Variants in ATXN2 observed in about 807,000 individuals in gnomAD.
The protein encoded by ATXN2 is ataxin-2.
Under a neutral mutation model 138.6 loss-of-function variants are expected in ATXN2, and 37 were observed. The ratio of observed to expected loss-of-function variants is 0.27; its 90% CI spans 0.21 to 0.35. The LOEUF is 0.35. ATXN2 is among the 10% of genes least tolerant of loss of function. The probability of loss-of-function intolerance (pLI) is 1.00; values close to 1 mark genes in which losing one functional copy is unlikely to be tolerated. For synonymous variants in ATXN2, 549 were observed against 543.7 expected (o/e 1.01, Z -0.13); for missense variants, 1,216 against 1,480.3 (o/e 0.82, Z 2.93).
chr12:111,531,188 G>A (rs1880811562), intron 5 of ATXN2, among the ~76,000 whole-genome samples: 1 of 152,196 alleles, frequency 6.6e-6, no homozygotes, highest in Non-Finnish European at 1.5e-5. Flanking sequence ...GCTGAGGCGG[G>A]TGGATCATGA....
intron 1 of ATXN2, among the ~76,000 whole-genome samples, chr12:111,557,968 A>G (rs957014085): frequency 6.6e-6 from 1 of 152,222 alleles, no homozygotes; most frequent in African/African-American, 2.4e-5. Flanking sequence ...AAGCTATATA[A>G]AAGACTTAAA....
chr12:111,507,851 A>G (rs375180789), intron 14 of ATXN2, among the ~76,000 whole-genome samples: 2 of 152,258 alleles, frequency 1.3e-5, no homozygotes, highest in Admixed American at 6.5e-5. Flanking sequence ...CTGTTGATCT[A>G]TGACCTTACC....
chr12:111,510,744 C>T, intron 11 of ATXN2, 162 bp from the exon 12 acceptor site: 3 of 571,768 alleles, frequency 5.2e-6, no homozygotes, highest in East Asian at 3.2e-5. Flanking sequence ...TAGGAATTTG[C>T]TGGCAATCAA....
chr12:111,588,991 CAAAAAAAAAAAAAAA>C (rs58116265), intron 1 of ATXN2, among the ~76,000 whole-genome samples: 56 of 38,708 alleles, frequency 1.4e-3, no homozygotes, highest in Admixed American at 5.4e-3. Context: ...CGAGATTTCT[CAAAAAAAAAAAAAAA>C]AAAAAAAAAA....
At chr12:111,560,409 C>CG (rs973243509) in intron 1 of ATXN2, among the ~76,000 whole-genome samples, 39 of 152,054 alleles carry the variant, frequency 2.6e-4, no homozygotes, top group African/African-American at 6.7e-4. Flanking sequence ...TTATATCCAA[C>CG]GGGGGGGTCC....
chr12:111,596,018 CA>C (rs2135857380), intron 1 of ATXN2, among the ~76,000 whole-genome samples: 1 of 152,198 alleles, frequency 6.6e-6, no homozygotes, highest in East Asian at 1.9e-4. Flanking sequence ...GCCAACATGG[CA>C]AAATCCCGTC....
At chr12:111,477,749 A>C (rs575874733) in intron 18 of ATXN2, among the ~76,000 whole-genome samples, 2 of 152,202 alleles carry the variant, frequency 1.3e-5, no homozygotes, top group South Asian at 4.1e-4. Flanking sequence ...TAAGAAAAGA[A>C]ACATGACTTT....
At chr12:111,474,381 T>C (rs557068809) in intron 18 of ATXN2, among the ~76,000 whole-genome samples, 5 of 149,436 alleles carry the variant, frequency 3.3e-5, no homozygotes, top group African/African-American at 9.9e-5. Context: ...GATAGAAAGA[T>C]GGTGAGACTC....
chr12:111,470,648 T>G lies in ATXN2; in HGVS notation c.2619A>C (p.Pro873=). The change falls in exon 19 of 25, where the codon CCA becomes CCC. Residue 873 remains proline, a synonymous_variant. Transcript: ENST00000673436. ...SAAGPPIAAT[P]PAYSTQYVAY... is the part of the protein sequence containing the mutation. ...CAACATATTGCGTGGAGTAAGCTGG[T>G]GGGGTGGCTGCAATCGGTGGGCCCG... is the stretch of plus-strand genomic sequence containing the variant. 1 of 1,614,042 alleles carries G rather than the reference T, an allele frequency of 6.2e-7. No homozygotes were observed. Among genetic ancestry groups the G allele is most frequent in the East Asian group, 2.2e-5 (1 of 44,876 alleles).
intron 1 of ATXN2, among the ~76,000 whole-genome samples, chr12:111,564,076 T>A (rs535135906): frequency 6.6e-6 from 1 of 152,120 alleles, no homozygotes; most frequent in South Asian, 2.1e-4. Flanking sequence ...TTGTGAAAAT[T>A]AAAAGAAGGT....
intron 15 of ATXN2, among the ~76,000 whole-genome samples, chr12:111,487,070 C>T (rs529625345): frequency 6.6e-6 from 1 of 151,998 alleles, no homozygotes; most frequent in African/African-American, 2.4e-5. Flanking sequence ...CTCTCAAAGG[C>T]AATCAAAAAA....
At chr12:111,596,316 A>G (rs1817854994) in intron 1 of ATXN2, among the ~76,000 whole-genome samples, 1 of 151,988 alleles carries the variant, frequency 6.6e-6, no homozygotes, top group Admixed American at 6.6e-5. Flanking sequence ...AGCCACCTTC[A>G]AAAATATATA....
chr12:111,509,792 A>G, intron 13 of ATXN2, 99 bp downstream of exon 13: 1 of 1,032,628 alleles, frequency 9.7e-7, no homozygotes, highest in East Asian at 2.5e-5. Context: ...TCACAATAGT[A>G]AGAAGAAATG....
At chr12:111,533,303 CT>C (rs1216142834) in intron 5 of ATXN2, among the ~76,000 whole-genome samples, 1 of 152,002 alleles carries the variant, frequency 6.6e-6, no homozygotes, top group African/African-American at 2.4e-5. Context: ...CTAATACCCC[CT>C]AGGGATACCA....
At chr12:111,583,870 A>G (rs943945002) in intron 1 of ATXN2, among the ~76,000 whole-genome samples, 1 of 151,988 alleles carries the variant, frequency 6.6e-6, no homozygotes, top group Non-Finnish European at 1.5e-5. Flanking sequence ...CTTTAGATAA[A>G]TAACTTTTTT....
intron 5 of ATXN2, among the ~76,000 whole-genome samples, chr12:111,548,330 G>T (rs1225907011): frequency 6.6e-6 from 1 of 152,162 alleles, no homozygotes; most frequent in Non-Finnish European, 1.5e-5. Context: ...CCTCACTTTA[G>T]CAAGTTTCCT....
intron 14 of ATXN2, among the ~76,000 whole-genome samples, chr12:111,492,669 G>A (rs866931727): frequency 1.1e-4 from 16 of 150,956 alleles, no homozygotes; most frequent in South Asian, 8.4e-4. Flanking sequence ...GCGACAGAGC[G>A]AGACTCTGTC....
At chr12:111,476,932 G>T (rs1372897698) in intron 18 of ATXN2, among the ~76,000 whole-genome samples, 1 of 152,122 alleles carries the variant, frequency 6.6e-6, no homozygotes, top group Non-Finnish European at 1.5e-5. Context: ...TGAACTTAAA[G>T]GTTGGTTACA....
chr12:111,458,790 C>G (rs1346753035), intron 21 of ATXN2, among the ~76,000 whole-genome samples: 1 of 152,222 alleles, frequency 6.6e-6, no homozygotes, highest in Admixed American at 6.5e-5. Context: ...GTAGGCAAGG[C>G]TGCCGAGTCA....
Sources: gnomAD v4.1 joint callset for allele counts (sites outside exome capture counted in the v4.1 genomes callset) on GRCh38, gnomAD v4.1.1 for gene constraint, MANE v1.5 for transcripts, NCBI Gene and HGNC (gene_info 2026-07-23, HGNC 2026-07-21) for gene names.